The following ASAP1 variants were observed in gnomAD, a reference collection of about 807,000 sequenced individuals.
The protein encoded by ASAP1 is ArfGAP with SH3 domain, ankyrin repeat and PH domain 1, also known as arf-GAP with SH3 domain, ANK repeat and PH domain-containing protein 1.
A neutral mutation model predicts 145.2 loss-of-function variants in ASAP1; 43 were observed. That is an observed-to-expected ratio of 0.30 (90% confidence interval 0.23 to 0.38). The LOEUF (loss-of-function observed/expected upper bound fraction) is 0.38, where lower values mean the gene tolerates loss of function less well. Ranked by LOEUF, ASAP1 falls within the 10% of genes least tolerant of loss-of-function variation. The probability of loss-of-function intolerance (pLI) is 1.00; values close to 1 mark genes in which losing one functional copy is unlikely to be tolerated. For synonymous variants in ASAP1, 546 were observed against 515.5 expected (o/e 1.06, Z -0.80); for missense variants, 1,018 against 1,355.3 (o/e 0.75, Z 3.91).
Position 130,358,054 on chromosome 8 carries a change from A to G in ASAP1, c.149T>C (p.Leu50Pro). The change falls in exon 3 of 30, where the codon CTG becomes CCG. Residue 50 changes from leucine (L) to proline (P), a missense_variant. Coordinates refer to ENST00000518721, the MANE Select transcript of ASAP1 (RefSeq NM_018482.4). This position sits in a 1 kb window ranked among gnomAD's most constrained non-coding sequence, Gnocchi z 4.1. The stretch of plus-strand genomic sequence containing the variant: ...CGTGACGGTGTTCCTGCAGTTGTGC[A>G]GCCGCGTGGTGAAGCTGGACGTGGT... ...SPTTSSFTTR[L>P]HNCRNTVTLL... The G allele has an allele frequency of 6.2e-7, 1 of 1,610,208 alleles. No individual in the cohort carries two copies. The highest frequency in any genetic ancestry group is 8.5e-7 in the Non-Finnish European group (1 of 1,178,788).
At chr8:130,124,151 AC>A in intron 17 of ASAP1, 47 bp from the exon 18 acceptor site, 1 of 1,321,106 alleles carries the variant, frequency 7.6e-7, no homozygotes, top group Non-Finnish European at 1.1e-6. Flanking sequence ...ACTCTTTGCT[AC>A]TAGTTAAAAG....
chr8:130,109,797 G>C (rs922262817), intron 24 of ASAP1, among the ~76,000 whole-genome samples: 1 of 152,188 alleles, frequency 6.6e-6, no homozygotes, highest in Non-Finnish European at 1.5e-5. Flanking sequence ...GCTAGCTATG[G>C]GATATCGCAC....
At chr8:130,351,539 T>C (rs900806138) in intron 3 of ASAP1, among the ~76,000 whole-genome samples, 2 of 152,186 alleles carry the variant, frequency 1.3e-5, no homozygotes, top group Non-Finnish European at 2.9e-5. Flanking sequence ...TGTACAAGCA[T>C]GGCGCTGGTA....
At chr8:130,056,317 C>T (rs544926837) in intron 29 of ASAP1, among the ~76,000 whole-genome samples, 12 of 152,326 alleles carry the variant, frequency 7.9e-5, no homozygotes, top group African/African-American at 2.9e-4. Flanking sequence ...ATGCCAGGGG[C>T]TGGCCCCACT....
At chr8:130,310,482 C>T (rs1056389187) in intron 3 of ASAP1, among the ~76,000 whole-genome samples, 1 of 152,102 alleles carries the variant, frequency 6.6e-6, no homozygotes, top group Non-Finnish European at 1.5e-5. Context: ...ATAGATGTGT[C>T]ATGAAGTGAA....
chr8:130,356,335 G>A lies in ASAP1; in HGVS notation c.186+1682C>T, dbSNP rs548003030. Among the ~76,000 whole-genome samples the A allele has an allele frequency of 1.3e-4, 20 of 152,216 alleles. 1 individual carries two copies. In the East Asian group the frequency reaches 1.9e-3, roughly 15 times the overall value. On this transcript the variant is annotated intron_variant, in intron 3 of 29. Coordinates refer to ENST00000518721, the MANE Select transcript of ASAP1 (RefSeq NM_018482.4). ...GAGGCACTGAAAAACTTATCTAGAA[G>A]GAAAATAACCACTCAGTCTAATCAA... is the stretch of plus-strand genomic sequence containing the variant.
intron 5 of ASAP1, among the ~76,000 whole-genome samples, chr8:130,209,063 TC>T (rs1490091414): frequency 1.3e-5 from 2 of 152,162 alleles, no homozygotes; most frequent in Non-Finnish European, 2.9e-5. Flanking sequence ...TAATACAAAG[TC>T]CCCTATAGTG....
chr8:130,443,233 G>A (rs1830553862), intron 1 of ASAP1, among the ~76,000 whole-genome samples: 1 of 151,740 alleles, frequency 6.6e-6, no homozygotes, highest in African/African-American at 2.4e-5. Flanking sequence ...CCACCGGGCG[G>A]CCTCGCCCGG....
intron 12 of ASAP1, among the ~76,000 whole-genome samples, chr8:130,153,898 AAAATTAAG>A (rs1290696378): frequency 6.6e-6 from 1 of 152,168 alleles, no homozygotes; most frequent in Non-Finnish European, 1.5e-5. Flanking sequence ...TTGATTTTTA[AAAATTAAG>A]AAAGTGGTTG....
chr8:130,091,985 C>T lies in ASAP1; in HGVS notation c.2560G>A (p.Ala854Thr), dbSNP rs201422861. The T allele has an allele frequency of 4.1e-4, 644 of 1,557,260 alleles. 1 individual carries two copies. Among genetic ancestry groups the T allele is most frequent in the Non-Finnish European group, 4.9e-4 (565 of 1,158,180 alleles). Residue 854 changes from alanine (A) to threonine (T), a missense_variant, in exon 25 of 30, where the codon GCA (alanine) becomes ACA (threonine). Transcript: ENST00000518721. ...TAGGATAACTTACCCCAAGGAACTGCGCCTTTGTTTGGGGGCCCATGAGGT... is the reference window on the plus strand; with the variant it reads ...TAGGATAACTTACCCCAAGGAACTGTGCCTTTGTTTGGGGGCCCATGAGGT... ...PLPHGPPNKG[A>T]VPWGNDGGPS... is the part of the protein sequence containing the mutation.
intron 2 of ASAP1, among the ~76,000 whole-genome samples, chr8:130,380,079 G>T (rs1267670777): frequency 6.6e-6 from 1 of 152,210 alleles, no homozygotes; most frequent in African/African-American, 2.4e-5. Flanking sequence ...GCACCTACCT[G>T]TTGGGCACCC....
intron 27 of ASAP1, among the ~76,000 whole-genome samples, chr8:130,071,576 G>C (rs968552573): frequency 1.3e-5 from 2 of 152,166 alleles, no homozygotes; most frequent in Non-Finnish European, 2.9e-5. Context: ...GAGATTAATG[G>C]AGAGAAGGAG....
intron 14 of ASAP1, among the ~76,000 whole-genome samples, 193 bp from the exon 15 acceptor site, chr8:130,134,537 A>G (rs1420357046): frequency 6.6e-6 from 1 of 152,138 alleles, no homozygotes; most frequent in Non-Finnish European, 1.5e-5. Context: ...TCTGTTTCTC[A>G]TATTTTTACA....
chr8:130,085,330 A>G (rs966820107), intron 25 of ASAP1, among the ~76,000 whole-genome samples: 5 of 152,206 alleles, frequency 3.3e-5, no homozygotes, highest in Middle Eastern at 3.2e-3. Flanking sequence ...TGGAGAAATC[A>G]CACTCCTGGA....
chr8:130,095,543 C>T (rs958805741), intron 24 of ASAP1, among the ~76,000 whole-genome samples: 1 of 151,464 alleles, frequency 6.6e-6, no homozygotes, highest in Non-Finnish European at 1.5e-5. Context: ...TCAAGTGATT[C>T]ACCTGCTTCA....
chr8:130,289,984 C>A (rs1388129767), intron 3 of ASAP1, among the ~76,000 whole-genome samples: 1 of 152,032 alleles, frequency 6.6e-6, no homozygotes, highest in Non-Finnish European at 1.5e-5. Flanking sequence ...TAACAGTGGA[C>A]CTATAATTGC....
At chr8:130,174,390 A>G (rs938957565) in intron 9 of ASAP1, among the ~76,000 whole-genome samples, 1 of 152,238 alleles carries the variant, frequency 6.6e-6, no homozygotes, top group Admixed American at 6.5e-5. Flanking sequence ...AGGATGTCTC[A>G]TTTATCTCTT....
intron 16 of ASAP1, 50 bp downstream of exon 16, chr8:130,127,877 A>C: frequency 6.3e-7 from 1 of 1,596,752 alleles, no homozygotes. Context: ...TATATTCTAC[A>C]GGAAGAGAAA....
chr8:130,269,961 G>A (rs1401519794), intron 3 of ASAP1, among the ~76,000 whole-genome samples: 1 of 152,188 alleles, frequency 6.6e-6, no homozygotes, highest in African/African-American at 2.4e-5. Context: ...CCTGAGGTCA[G>A]GAGTTCAAGA....
Sources: allele counts gnomAD v4.1 joint callset (sites outside exome capture counted in the v4.1 genomes callset), GRCh38; gene constraint gnomAD v4.1.1; non-coding constraint Gnocchi (gnomAD v3.1); transcripts MANE v1.5; gene names NCBI Gene and HGNC (gene_info 2026-07-23, HGNC 2026-07-21).